The following POU6F2 variants were observed in gnomAD, a reference collection of about 807,000 sequenced individuals.
The protein encoded by POU6F2 is POU domain, class 6, transcription factor 2.
POU6F2 carries 31 observed loss-of-function variants against 71.3 expected under a neutral mutation model. The ratio of observed to expected loss-of-function variants is 0.43; its 90% CI spans 0.33 to 0.59. The LOEUF is 0.59. Ranked by LOEUF, POU6F2 falls within the 20% of genes least tolerant of loss-of-function variation. The pLI is 0.04. For missense variants in POU6F2, 783 were observed against 856.8 expected, an observed-to-expected ratio of 0.91 and a Z score of 1.07; for synonymous variants, 347 against 355.7, an observed-to-expected ratio of 0.98 and a Z score of 0.27.
At chr7:39,223,763 G>T (rs1247135716) in intron 4 of POU6F2, among the ~76,000 whole-genome samples, 1 of 152,048 alleles carries the variant, frequency 6.6e-6, no homozygotes, top group African/African-American at 2.4e-5. Context: ...TCATGCTTTA[G>T]CCTAGTGGGA....
chr7:38,984,988 AT>A (rs886598616), intron 1 of POU6F2: 5 of 152,100 alleles, frequency 3.3e-5, no homozygotes, highest in African/African-American at 1.2e-4. Context: ...TCATATACAG[AT>A]TTTTTTAAAG....
At chr7:39,103,840 A>G (rs1047282627) in intron 2 of POU6F2, among the ~76,000 whole-genome samples, 1 of 152,302 alleles carries the variant, frequency 6.6e-6, no homozygotes, top group East Asian at 1.9e-4. Flanking sequence ...TCTAAAACTG[A>G]TATTTCAAGG....
At chr7:39,160,796 T>C (rs1480823485) in intron 2 of POU6F2, among the ~76,000 whole-genome samples, 1 of 152,186 alleles carries the variant, frequency 6.6e-6, no homozygotes, top group African/African-American at 2.4e-5. Flanking sequence ...CTTGCTAGAT[T>C]TAGGACTCTT....
At chr7:39,031,806 G>A (rs34191717) in intron 1 of POU6F2, among the ~76,000 whole-genome samples, 30,924 of 151,844 alleles carry the variant, frequency 0.2, 3,450 homozygotes, top group South Asian at 0.35. Flanking sequence ...TCATGAACCC[G>A]GGAGGTGGAG....
rs1246401992 is a variant in POU6F2 at position 39,466,222 on chromosome 7, A to G, written c.*1536A>G. On this transcript the variant is annotated 3_prime_UTR_variant, in exon 10 of 10. Transcript: ENST00000518318. ...GAAGCTTTCACCAAAAGAAAAAAAT[A>G]TAGAAGGGGCTTATCTAACAATCAG... The G allele has an allele frequency of 1.3e-5, 2 of 152,258 alleles. No individual in the cohort carries two copies. Among genetic ancestry groups the G allele is most frequent in the Non-Finnish European group, 2.9e-5 (2 of 68,046 alleles). 9.4% of individuals were successfully genotyped at this position (152,258 alleles called of 1,614,324 possible). A position where few individuals can be genotyped will look rare whatever the true frequency, so the allele number is the denominator to read the frequency against.
chr7:39,081,561 A>G (rs901276752), intron 1 of POU6F2, among the ~76,000 whole-genome samples: 2 of 152,190 alleles, frequency 1.3e-5, no homozygotes, highest in Non-Finnish European at 2.9e-5. Flanking sequence ...CCAAGGCCAA[A>G]GGTGGTTAAG....
intron 4 of POU6F2, among the ~76,000 whole-genome samples, chr7:39,275,925 G>A (rs1321299891): frequency 6.6e-6 from 1 of 151,764 alleles, no homozygotes; most frequent in Non-Finnish European, 1.5e-5. Context: ...AGACTTAAAC[G>A]TTAGACCTAA....
intron 2 of POU6F2, among the ~76,000 whole-genome samples, chr7:39,111,628 TATAGAG>T (rs1336304120): frequency 6.6e-6 from 1 of 152,172 alleles, no homozygotes; most frequent in African/African-American, 2.4e-5. Context: ...AAAAAATAGA[TATAGAG>T]ATATAGGCAG....
In POU6F2 at chr7:39,343,733, G is replaced by C. The variant is rs75354886; in HGVS notation, c.972+3718G>C. ...TGCCTCCAACTAACTCATAACTTTG[G>C]ATAGGTCACTTTAGCTCTCTGGACT... On this transcript the variant is annotated intron_variant, in intron 5 of 9. Coordinates refer to ENST00000518318, the MANE Select transcript of POU6F2 (RefSeq NM_001370959.1). 3.5e-3 allele frequency among the ~76,000 whole-genome samples: 533 copies of C among 152,204 alleles called. 3 individuals are homozygous for C. The highest frequency in any genetic ancestry group is 0.012 in the East Asian group (64 of 5,180).
At chr7:39,135,865 A>G (rs1792378907) in intron 2 of POU6F2, among the ~76,000 whole-genome samples, 1 of 152,260 alleles carries the variant, frequency 6.6e-6, no homozygotes, top group African/African-American at 2.4e-5. Flanking sequence ...ATGATTAGAC[A>G]TACCTTGGCA....
intron 1 of POU6F2, among the ~76,000 whole-genome samples, chr7:38,997,110 C>T (rs894999051): frequency 1.3e-4 from 20 of 152,076 alleles, no homozygotes; most frequent in Non-Finnish European, 2.4e-4. Context: ...GGCAGTGGGG[C>T]TCTCACTGAA....
At chr7:39,244,828 A>G (rs1269809601) in intron 4 of POU6F2, among the ~76,000 whole-genome samples, 1 of 152,162 alleles carries the variant, frequency 6.6e-6, no homozygotes, top group East Asian at 1.9e-4. Flanking sequence ...CTTGGCATTA[A>G]CTTCACAGCT....
intron 2 of POU6F2, among the ~76,000 whole-genome samples, chr7:39,108,504 GC>G (rs1172863999): frequency 6.6e-6 from 1 of 152,226 alleles, no homozygotes; most frequent in African/African-American, 2.4e-5. Context: ...CTGATCAGTG[GC>G]CCAGGGGAGG....
At chr7:39,368,876 G>A (rs1423426022) in intron 5 of POU6F2, among the ~76,000 whole-genome samples, 2 of 152,218 alleles carry the variant, frequency 1.3e-5, no homozygotes, top group Non-Finnish European at 2.9e-5. Flanking sequence ...GAGTTTGAAA[G>A]AAGTTGATTC....
At chr7:39,025,954 C>A (rs1789790836) in intron 1 of POU6F2, among the ~76,000 whole-genome samples, 1 of 152,208 alleles carries the variant, frequency 6.6e-6, no homozygotes. Flanking sequence ...TGAACAGACA[C>A]TTCTCAAAAG....
At position 39,180,694 on chromosome 7, in the gene POU6F2, G is replaced by A. The variant is rs117526634; in HGVS notation, c.278-23541G>A. 2.6e-5 allele frequency among the ~76,000 whole-genome samples: 4 copies of A among 152,282 alleles called. No individual in the cohort carries two copies. In the East Asian group the frequency reaches 7.7e-4, roughly 29 times the overall value. ...CAAGCTCAGACGGGCTCTGTGTTTA[G>A]TTCAATGCTCTGCTGTCACTGTCCT... On this transcript the variant is annotated intron_variant, in intron 2 of 9. Coordinates refer to ENST00000518318, the MANE Select transcript of POU6F2 (RefSeq NM_001370959.1).
chr7:39,115,383 T>C (rs752373430), intron 2 of POU6F2, among the ~76,000 whole-genome samples: 5 of 152,212 alleles, frequency 3.3e-5, no homozygotes, highest in Non-Finnish European at 7.3e-5. Flanking sequence ...CATTGCTTCC[T>C]ACTCCTTCTC....
rs766131836 is a variant in POU6F2 at position 39,207,633 on chromosome 7, G to A, written c.598+13G>A. ...CAAAATCTACAAGGTAATCCATAAT[G>A]TCCATGCGCCACGTAAGGCTCTACC... is the stretch of plus-strand genomic sequence containing the variant. On this transcript the variant is annotated intron_variant, in intron 4 of 9. Transcript: ENST00000518318. The A allele has an allele frequency of 6.2e-7, 1 of 1,608,976 alleles. No individual in the cohort carries two copies. Among genetic ancestry groups the A allele is most frequent in the Non-Finnish European group, 8.5e-7 (1 of 1,176,774 alleles).
rs562164516 is a variant in POU6F2 at position 39,101,270 on chromosome 7, C to T, written c.277+15239C>T. Among the ~76,000 whole-genome samples, 303 of 151,968 alleles carry T rather than the reference C, an allele frequency of 2.0e-3. 3 individuals are homozygous for T. Among genetic ancestry groups the T allele is most frequent in the Middle Eastern group, 6.8e-3 (2 of 294 alleles). The stretch of plus-strand genomic sequence containing the variant: ...TGTATTTTTGGTAGAGACGGGGTTT[C>T]GCCATGTTGGCCAGGCTGGTCTCAA... On this transcript the variant is annotated intron_variant, in intron 2 of 9. Coordinates refer to ENST00000518318, the MANE Select transcript of POU6F2 (RefSeq NM_001370959.1).
Sources: gnomAD v4.1 joint callset for allele counts (sites outside exome capture counted in the v4.1 genomes callset) on GRCh38, gnomAD v4.1.1 for gene constraint, MANE v1.5 for transcripts, NCBI Gene and HGNC (gene_info 2026-07-23, HGNC 2026-07-21) for gene names.